Variants in MAK observed in about 807,000 individuals in gnomAD.
MAK encodes the protein male germ cell associated kinase.
In MAK, 65 loss-of-function variants were observed where a neutral mutation model predicts 82.6. The observed-to-expected ratio is 0.79, with a 90% CI of 0.64 to 0.97. The LOEUF is 0.97. Among genes scored for constraint, MAK ranks in the 50% least tolerant of loss-of-function variants. The pLI, the probability that MAK is intolerant of heterozygous loss-of-function variation, is 0.00. For synonymous variants in MAK, 250 were observed against 274.2 expected (o/e 0.91, Z 0.87); for missense variants, 703 against 780.2 (o/e 0.90, Z 1.18).
At chr6:10,809,090 A>G (rs192361119) in intron 5 of MAK, 148 bp from the exon 6 acceptor site, 39 of 788,000 alleles carry the variant, frequency 4.9e-5, no homozygotes, top group Admixed American at 4.1e-4. Flanking sequence ...TTTATTGTCT[A>G]AGAAGTAAAT....
Position 10,764,560 on chromosome 6 carries a change from A to G in MAK, c.1839T>C (p.Arg613=). The change falls in exon 15 of 15, where the codon CGT becomes CGC. Residue 613 remains arginine, a synonymous_variant. Coordinates refer to ENST00000354489, the MANE Select transcript of MAK (RefSeq NM_001242957.3). ...GGTTTTTTGCTGTAGGATTATAAGT[A>G]CGTCCTGAAAACTGCCCCCGACCAG... ...TKTGRGQFSG[R]TYNPTAKNLN... is the part of the protein sequence containing the mutation. The G allele has an allele frequency of 6.2e-7, 1 of 1,614,086 alleles. No individual in the cohort carries two copies. Among genetic ancestry groups the G allele is most frequent in the African/African-American group, 1.3e-5 (1 of 75,032 alleles).
At chr6:10,783,745 G>T (rs1185063635) in intron 11 of MAK, among the ~76,000 whole-genome samples, 1 of 152,218 alleles carries the variant, frequency 6.6e-6, no homozygotes, top group Non-Finnish European at 1.5e-5. Flanking sequence ...GATTGGCTGG[G>T]CACAGTGGCT....
At chr6:10,767,659 C>T (rs368842709) in intron 14 of MAK, among the ~76,000 whole-genome samples, 4 of 151,870 alleles carry the variant, frequency 2.6e-5, no homozygotes, top group Non-Finnish European at 2.9e-5. Context: ...CGTGGTGGCA[C>T]GCACCTGTAG....
chr6:10,767,360 G>A (rs905808035), intron 14 of MAK, among the ~76,000 whole-genome samples: 1 of 152,164 alleles, frequency 6.6e-6, no homozygotes. Flanking sequence ...CTTAAAACAG[G>A]ATCCTGCACT....
rs577632671 is a variant in MAK, at chr6:10,773,928, G to A, written c.1598-820C>T. ...GTTGGTCAGGCGGGTCTCGAACTCCGGACCTTGTGATTCGCCCACCTCGGC... is the reference window on the plus strand; with the variant it reads ...GTTGGTCAGGCGGGTCTCGAACTCCAGACCTTGTGATTCGCCCACCTCGGC... On this transcript the variant is annotated intron_variant, in intron 12 of 14. Coordinates refer to ENST00000354489, the MANE Select transcript of MAK (RefSeq NM_001242957.3). Among the ~76,000 whole-genome samples, 43 of 151,878 alleles carry A rather than the reference G, an allele frequency of 2.8e-4. 1 individual carries two copies. In the South Asian group the frequency reaches 7.3e-3, roughly 26 times the overall value.
At chr6:10,795,882 C>T in intron 9 of MAK, 116 bp downstream of exon 9, 5 of 1,145,334 alleles carry the variant, frequency 4.4e-6, no homozygotes, top group Non-Finnish European at 5.3e-6. Flanking sequence ...GACTCAGGGT[C>T]TTTAACAAAG....
intron 8 of MAK, among the ~76,000 whole-genome samples, chr6:10,801,294 TTTA>T (rs1332255853): frequency 6.6e-6 from 1 of 152,180 alleles, no homozygotes; most frequent in African/African-American, 2.4e-5. Context: ...TACAATAAAG[TTTA>T]TTATTGCCTT....
At chr6:10,837,874 GGAA>G (rs1162629296) in intron 1 of MAK, 2 of 152,214 alleles carry the variant, frequency 1.3e-5, no homozygotes, top group Admixed American at 6.5e-5. Flanking sequence ...ACCGCGTGGT[GGAA>G]GGAGGGGGCG....
chr6:10,782,202 TCACACACACACACACACACACACA>T (rs746386493), intron 11 of MAK, among the ~76,000 whole-genome samples: 25 of 146,150 alleles, frequency 1.7e-4, no homozygotes, highest in African/African-American at 5.1e-4. Flanking sequence ...TGAAACTCTG[TCACACACACACACACACACACACA>T]CACACACACA....
At chr6:10,802,976 A>G (rs928106095) in intron 7 of MAK, among the ~76,000 whole-genome samples, 5 of 152,198 alleles carry the variant, frequency 3.3e-5, no homozygotes, top group Non-Finnish European at 7.3e-5. Flanking sequence ...CACAGGGGAG[A>G]TATAAAAAAG....
At chr6:10,805,723 G>A (rs1472295075) in intron 6 of MAK, among the ~76,000 whole-genome samples, 2 of 152,154 alleles carry the variant, frequency 1.3e-5, no homozygotes, top group Non-Finnish European at 2.9e-5. Flanking sequence ...ATGATGTTAA[G>A]TGAGAACTTA....
At chr6:10,813,197 G>A (rs1211837190) in intron 5 of MAK, among the ~76,000 whole-genome samples, 2 of 121,776 alleles carry the variant, frequency 1.6e-5, no homozygotes, top group Non-Finnish European at 3.2e-5. Context: ...TGCCCAGGCT[G>A]GAGTGCAATG....
rs2127558505 is a variant in MAK at position 10,803,850 on chromosome 6, C to T, written c.533G>A (p.Ser178Asn). Residue 178 changes from serine to asparagine, a missense_variant, in exon 7 of 15, where the codon AGT (serine) becomes AAT (asparagine). Transcript: ENST00000354489. The part of the protein sequence containing the change: ...PEVLLRSSVY[S>N]SPIDVWAVGS... Reference sequence around the variant, plus strand: ...AACAGCCCACACATCAATGGGAGAACTATAAACTGAAGATCTCAGTAAAAC... The same window carrying T: ...AACAGCCCACACATCAATGGGAGAATTATAAACTGAAGATCTCAGTAAAAC... 1 of 1,614,006 alleles carries T rather than the reference C, an allele frequency of 6.2e-7. No individual in the cohort carries two copies. The highest frequency in any genetic ancestry group is 8.5e-7 in the Non-Finnish European group (1 of 1,179,992).
At chr6:10,774,113 T>C (rs1324139710) in intron 12 of MAK, among the ~76,000 whole-genome samples, 1 of 152,188 alleles carries the variant, frequency 6.6e-6, no homozygotes, top group East Asian at 1.9e-4. Context: ...ATTATATCTT[T>C]ATTTATACCT....
At chr6:10,807,070 C>T (rs1316826661) in intron 6 of MAK, among the ~76,000 whole-genome samples, 2 of 152,090 alleles carry the variant, frequency 1.3e-5, no homozygotes, top group Non-Finnish European at 1.5e-5. Context: ...TTTCTGGCCA[C>T]TCTACAAACT....
chr6:10,835,786 A>G (rs1779110770), intron 1 of MAK, among the ~76,000 whole-genome samples: 1 of 152,010 alleles, frequency 6.6e-6, no homozygotes, highest in African/African-American at 2.4e-5. Context: ...TTATTCAGGA[A>G]GTGGAAACAC....
At chr6:10,798,179 A>G (rs1775721846) in intron 8 of MAK, among the ~76,000 whole-genome samples, 1 of 139,276 alleles carries the variant, frequency 7.2e-6, no homozygotes, top group African/African-American at 2.8e-5. Context: ...GTGCAGTGGC[A>G]CGATCTTGGC....
chr6:10,775,189 T>C, intron 12 of MAK, 139 bp downstream of exon 12: 2 of 947,880 alleles, frequency 2.1e-6, no homozygotes. Context: ...GGGCTACCCA[T>C]AGGCAGAGTG....
intron 6 of MAK, among the ~76,000 whole-genome samples, chr6:10,805,812 C>T (rs1304499688): frequency 6.6e-6 from 1 of 152,112 alleles, no homozygotes; most frequent in Non-Finnish European, 1.5e-5. Context: ...TTAAAGTGTA[C>T]ATCACACTGC....
Sources: gnomAD v4.1 joint callset for allele counts (sites outside exome capture counted in the v4.1 genomes callset) on GRCh38, gnomAD v4.1.1 for gene constraint, MANE v1.5 for transcripts, NCBI Gene and HGNC (gene_info 2026-07-23, HGNC 2026-07-21) for gene names.